The following CREBBP variants were observed in gnomAD, a reference collection of about 807,000 sequenced individuals.
The protein encoded by CREBBP is CREB binding lysine acetyltransferase.
CREBBP carries 19 observed loss-of-function variants against 265.0 expected under a neutral mutation model. The ratio of observed to expected loss-of-function variants is 0.07; its 90% CI spans 0.05 to 0.11. The LOEUF is 0.11. Ranked by LOEUF, CREBBP falls within the 10% of genes least tolerant of loss-of-function variation. The probability of loss-of-function intolerance (pLI) is 1.00; values close to 1 mark genes in which losing one functional copy is unlikely to be tolerated. For missense variants in CREBBP, 2,525 were observed against 3,219.0 expected (o/e 0.78, Z 5.22); for synonymous variants, 1,457 against 1,223.7 (o/e 1.19, Z -3.98).
rs770166281 is a variant in CREBBP at position 3,767,921 on chromosome 16, C to T, written c.3061-12G>A. On this transcript the variant is annotated splice_polypyrimidine_tract_variant and intron_variant, in intron 15 of 30. Coordinates refer to ENST00000262367, the MANE Select transcript of CREBBP (RefSeq NM_004380.3). ...TCCTCCTCCATCATCTTGAGAAAAA[C>T]ATTACAGATAACATATGAATATCAA... 2.5e-6 allele frequency: 4 copies of T among 1,613,416 alleles called. No homozygotes were observed. Among genetic ancestry groups the T allele is most frequent in the Admixed American group, 3.3e-5 (2 of 60,006 alleles).
At chr16:3,819,779 CAT>C (rs1041316882) in intron 2 of CREBBP, among the ~76,000 whole-genome samples, 2 of 152,102 alleles carry the variant, frequency 1.3e-5, no homozygotes, top group African/African-American at 4.8e-5. Flanking sequence ...GCAATAATGA[CAT>C]ATGATTAAAA....
At position 3,728,842 on chromosome 16, in the gene CREBBP, C is replaced by T; in HGVS notation, c.6205G>A (p.Asp2069Asn). 6.2e-7 allele frequency: 1 copy of T among 1,613,380 alleles called. No individual in the cohort carries two copies. Among genetic ancestry groups the T allele is most frequent in the Non-Finnish European group, 8.5e-7 (1 of 1,179,964 alleles). The stretch of plus-strand genomic sequence containing the variant: ...GGCGACTTCAGGGTCCGCAGCAGGT[C>T]TTGCAGAGCGCTGGGTGAGATGCTC... ...PRSISPSALQ[D>N]LLRTLKSPSS... is the part of the protein sequence containing the mutation. Residue 2069 changes from aspartate to asparagine, a missense_variant, in exon 31 of 31, where the codon GAC becomes AAC. Coordinates refer to ENST00000262367, the MANE Select transcript of CREBBP (RefSeq NM_004380.3). This position sits in a 1 kb window ranked among gnomAD's most constrained non-coding sequence, Gnocchi z 8.7.
At chr16:3,791,528 CAG>C (rs1158278254) in intron 5 of CREBBP, among the ~76,000 whole-genome samples, 1 of 152,206 alleles carries the variant, frequency 6.6e-6, no homozygotes. Flanking sequence ...GACTGACTGA[CAG>C]AGCCTTCAAA....
At chr16:3,802,331 C>T (rs1378891702) in intron 3 of CREBBP, among the ~76,000 whole-genome samples, 1 of 151,650 alleles carries the variant, frequency 6.6e-6, no homozygotes, top group African/African-American at 2.4e-5. Flanking sequence ...GGGGCTTTAC[C>T]GTGTTAGCCA....
chr16:3,758,722 C>G lies in CREBBP; in HGVS notation c.3369+132G>C, dbSNP rs569225223. 2.3e-5 allele frequency: 18 copies of G among 778,122 alleles called. No individual in the cohort carries two copies. The African/African-American group carries it at 2.9e-4, about 13-fold the overall frequency. 48.2% of individuals were successfully genotyped at this position (778,122 alleles called of 1,614,324 possible). ...ACTTTCACTGATAACTGTTAACAGA[C>G]AACAGTTTTTTATATTAGGAGAACA... is the stretch of plus-strand genomic sequence containing the variant. On this transcript the variant is annotated intron_variant, in intron 17 of 30. Transcript: ENST00000262367.
intron 4 of CREBBP, among the ~76,000 whole-genome samples, chr16:3,792,613 C>G (rs1197603204): frequency 1.3e-5 from 2 of 152,136 alleles, no homozygotes; most frequent in Non-Finnish European, 2.9e-5. Context: ...AAAGGTCTAA[C>G]CTTACCCTTC....
intron 3 of CREBBP, among the ~76,000 whole-genome samples, chr16:3,803,724 CA>C (rs1021021497): frequency 6.6e-6 from 1 of 152,030 alleles, no homozygotes; most frequent in Non-Finnish European, 1.5e-5. Context: ...CCCACAGCCA[CA>C]GCCTTCAGAA....
chr16:3,830,383 G>C (rs1367303704), intron 2 of CREBBP, among the ~76,000 whole-genome samples: 1 of 151,896 alleles, frequency 6.6e-6, no homozygotes, highest in South Asian at 2.1e-4. Flanking sequence ...GCTTAGGTGA[G>C]AGTGACATCC....
rs144156856 is a variant in CREBBP, at chr16:3,847,253, G to C, written c.798+3044C>G. Among the ~76,000 whole-genome samples, 571 of 152,264 alleles carry C rather than the reference G, an allele frequency of 3.8e-3. 4 individuals are homozygous for C. The highest frequency in any genetic ancestry group is 0.014 in the Middle Eastern group (4 of 294). On this transcript the variant is annotated intron_variant, in intron 2 of 30. Transcript: ENST00000262367. Reference sequence around the variant, plus strand: ...CATTATGTATTTTAAATCTTTATCTGTAAGGAGGATGTTGCTCTTTTCCTA... The same window carrying C: ...CATTATGTATTTTAAATCTTTATCTCTAAGGAGGATGTTGCTCTTTTCCTA...
chr16:3,733,231 G>A (rs534915652), intron 28 of CREBBP, among the ~76,000 whole-genome samples: 1 of 151,972 alleles, frequency 6.6e-6, no homozygotes, highest in Admixed American at 6.5e-5. Context: ...GCGTGGTGGC[G>A]GGTGCCTGCA....
intron 1 of CREBBP, among the ~76,000 whole-genome samples, chr16:3,855,775 C>T (rs1000774125): frequency 6.6e-6 from 1 of 152,194 alleles, no homozygotes; most frequent in African/African-American, 2.4e-5. Flanking sequence ...AGTTTTTACG[C>T]TATTTTGCTA....
intron 28 of CREBBP, among the ~76,000 whole-genome samples, chr16:3,732,293 T>C (rs976453278): frequency 2.0e-5 from 3 of 152,194 alleles, no homozygotes; most frequent in East Asian, 1.9e-4. Context: ...TCAGCAGCTG[T>C]CTGCCTTGAG....
chr16:3,818,216 G>A (rs1596998432), intron 2 of CREBBP, among the ~76,000 whole-genome samples: 1 of 152,162 alleles, frequency 6.6e-6, no homozygotes, highest in Non-Finnish European at 1.5e-5. Context: ...AAATGGCACT[G>A]CGACGCAGAA....
rs727503893 is a variant in CREBBP at position 3,850,843 on chromosome 16, T to C, written c.252A>G (p.Pro84=). The change falls in exon 2 of 31, where the codon CCA becomes CCG. Residue 84 remains proline, a synonymous_variant. Coordinates refer to ENST00000262367, the MANE Select transcript of CREBBP (RefSeq NM_004380.3). ...LRGGSGSSIN[P]GIGNVSASSP... ...TGCTGGCGCTCACATTTCCTATTCC[T>C]GGGTTGATACTAGAGCCGCTGCCTC... 2.5e-6 allele frequency: 4 copies of C among 1,614,188 alleles called. No individual in the cohort carries two copies. Among genetic ancestry groups the C allele is most frequent in the South Asian group, 2.2e-5 (2 of 91,088 alleles).
intron 12 of CREBBP, 51 bp from the exon 13 acceptor site, chr16:3,773,981 G>A (rs368506927): frequency 1.3e-6 from 2 of 1,595,950 alleles, no homozygotes; most frequent in Non-Finnish European, 1.7e-6. Context: ...CTGACGGCCA[G>A]AGTTTTCAAG....
chr16:3,842,455 A>C (rs1172236935), intron 2 of CREBBP, among the ~76,000 whole-genome samples: 1 of 152,218 alleles, frequency 6.6e-6, no homozygotes, highest in Non-Finnish European at 1.5e-5. Context: ...TTTTCAGTAG[A>C]AAACAAGAAC....
chr16:3,817,677 C>T (rs1359263326), intron 2 of CREBBP, among the ~76,000 whole-genome samples: 1 of 152,130 alleles, frequency 6.6e-6, no homozygotes, highest in African/African-American at 2.4e-5. Flanking sequence ...GAAGTATTTC[C>T]CCAGAACAGG....
At chr16:3,807,010 G>A (rs923596250) in intron 3 of CREBBP, among the ~76,000 whole-genome samples, 2 of 152,178 alleles carry the variant, frequency 1.3e-5, no homozygotes, top group Admixed American at 6.5e-5. Context: ...ACCGCTGAGT[G>A]CTACGCAGAC....
chr16:3,879,234 G>GCGCACACACA (rs1249627930), intron 1 of CREBBP, among the ~76,000 whole-genome samples: 3 of 150,720 alleles, frequency 2.0e-5, no homozygotes, highest in African/African-American at 7.3e-5. Flanking sequence ...ACACACGCGC[G>GCGCACACACA]CACACACACA....
Sources: allele counts gnomAD v4.1 joint callset (sites outside exome capture counted in the v4.1 genomes callset), GRCh38; gene constraint gnomAD v4.1.1; non-coding constraint Gnocchi (gnomAD v3.1); transcripts MANE v1.5; gene names NCBI Gene and HGNC (gene_info 2026-07-23, HGNC 2026-07-21).